The following HYCC1 variants were observed in gnomAD, a reference collection of about 807,000 sequenced individuals.
HYCC1 encodes the protein hyccin.
At chr7:22,901,239 A>T in the HYCC1 span, among the ~76,000 whole-genome samples, 1 of 149,698 alleles carries the variant, frequency 6.7e-6, no homozygotes, top group Non-Finnish European at 1.5e-5. Flanking sequence ...AAAAAAAAAA[A>T]AAAAAAAGGA....
chr7:22,900,255 T>C, the HYCC1 span, among the ~76,000 whole-genome samples: 1 of 152,254 alleles, frequency 6.6e-6, no homozygotes, highest in South Asian at 2.1e-4. Context: ...GGTTAAAATG[T>C]TGGCACACTA....
At chr7:22,915,979 G>A in the HYCC1 span, among the ~76,000 whole-genome samples, 1 of 151,854 alleles carries the variant, frequency 6.6e-6, no homozygotes, top group Non-Finnish European at 1.5e-5. Context: ...TCCTCCCCTT[G>A]TATCTCCCAC....
chr7:22,981,871 G>T, the HYCC1 span, among the ~76,000 whole-genome samples: 1 of 152,176 alleles, frequency 6.6e-6, no homozygotes. Flanking sequence ...TGTGACAGAT[G>T]ATAATTTTTT....
At chr7:22,989,921 T>C in the HYCC1 span, among the ~76,000 whole-genome samples, 1 of 152,198 alleles carries the variant, frequency 6.6e-6, no homozygotes, top group Non-Finnish European at 1.5e-5. Context: ...TACTAAGTTC[T>C]TACTTACTAA....
chr7:22,972,771 G>A, the HYCC1 span, among the ~76,000 whole-genome samples: 190 of 152,256 alleles, frequency 1.2e-3, 1 homozygote, highest in African/African-American at 4.2e-3. Flanking sequence ...TACTATGTAG[G>A]AAGAAAACAG....
the HYCC1 span, among the ~76,000 whole-genome samples, chr7:23,010,727 T>C: frequency 6.6e-6 from 1 of 152,304 alleles, no homozygotes; most frequent in South Asian, 2.1e-4. Context: ...CACACCAAAT[T>C]GGTATAGGGA....
chr7:22,916,772 T>C, the HYCC1 span, among the ~76,000 whole-genome samples: 38,432 of 152,080 alleles, frequency 0.25, 5,022 homozygotes, highest in East Asian at 0.48. Flanking sequence ...ATAGTATCTT[T>C]CACATCTATC....
At chr7:22,971,677 CAAA>C in the HYCC1 span, among the ~76,000 whole-genome samples, 7 of 91,894 alleles carry the variant, frequency 7.6e-5, no homozygotes, top group Admixed American at 2.4e-4. Flanking sequence ...CCCCATCTCA[CAAA>C]AAAAAAAAAA....
chr7:23,008,368 CAAACTATA>C, the HYCC1 span, among the ~76,000 whole-genome samples: 1 of 151,938 alleles, frequency 6.6e-6, no homozygotes, highest in Admixed American at 6.5e-5. Flanking sequence ...AAGAAAACTA[CAAACTATA>C]AAATACATGA....
chr7:22,952,207 A>G, the HYCC1 span, among the ~76,000 whole-genome samples: 1 of 152,022 alleles, frequency 6.6e-6, no homozygotes, highest in East Asian at 1.9e-4. Context: ...AAACAAGATA[A>G]TTTAAATAGC....
chr7:22,925,628 G>C, the HYCC1 span, among the ~76,000 whole-genome samples: 37,063 of 152,010 alleles, frequency 0.24, 4,682 homozygotes, highest in East Asian at 0.44. Context: ...GAGAAGTTTA[G>C]AGAAAAAAGA....
At chr7:22,945,758 G>A in the HYCC1 span, 20 of 1,613,630 alleles carry the variant, frequency 1.2e-5, no homozygotes, top group African/African-American at 1.5e-4. Context: ...AGCAGATGAC[G>A]GGTTATGTGG....
the HYCC1 span, among the ~76,000 whole-genome samples, chr7:22,951,076 C>G: frequency 6.6e-6 from 1 of 151,802 alleles, no homozygotes; most frequent in South Asian, 2.1e-4. Context: ...AATTAGTTCT[C>G]AAAGGTACTC....
the HYCC1 span, among the ~76,000 whole-genome samples, chr7:22,956,827 G>C: frequency 1.3e-5 from 2 of 151,740 alleles, no homozygotes; most frequent in Non-Finnish European, 2.9e-5. Context: ...AACAGGACTG[G>C]TCAAAATACA....
At chr7:22,924,018 A>C in the HYCC1 span, among the ~76,000 whole-genome samples, 12 of 147,486 alleles carry the variant, frequency 8.1e-5, no homozygotes, top group African/African-American at 2.0e-4. Context: ...AAAAAAACCC[A>C]AAAAAACCCA....
chr7:22,980,139 G>A, the HYCC1 span, among the ~76,000 whole-genome samples: 1 of 152,256 alleles, frequency 6.6e-6, no homozygotes, highest in East Asian at 1.9e-4. Flanking sequence ...CCTGAAAAAT[G>A]TCAGGAAGAA....
the HYCC1 span, among the ~76,000 whole-genome samples, chr7:22,898,019 T>C: frequency 6.6e-6 from 1 of 151,988 alleles, no homozygotes; most frequent in Non-Finnish European, 1.5e-5. Flanking sequence ...GGCACTGATA[T>C]TGCTTGAGGG....
chr7:22,983,833 T>C, the HYCC1 span: 1 of 707,164 alleles, frequency 1.4e-6, no homozygotes, highest in Non-Finnish European at 2.5e-6. Context: ...CATTTCAGTA[T>C]TGTTCTTTAA....
At chr7:22,969,087 G>A in the HYCC1 span, among the ~76,000 whole-genome samples, 1 of 152,094 alleles carries the variant, frequency 6.6e-6, no homozygotes, top group Non-Finnish European at 1.5e-5. Context: ...AAAGTACAGT[G>A]CCAACAAATG....
Sources: gnomAD v4.1 joint callset for allele counts (sites outside exome capture counted in the v4.1 genomes callset) on GRCh38, gnomAD v4.1.1 for gene constraint, MANE v1.5 for transcripts, NCBI Gene and HGNC (gene_info 2026-07-23, HGNC 2026-07-21) for gene names.